PDGFRL: variants seen among roughly 807,000 people sequenced by gnomAD.
PDGFRL encodes the protein platelet derived growth factor receptor like.
In PDGFRL, 46 loss-of-function variants were observed where a neutral mutation model predicts 37.2. The observed-to-expected ratio is 1.24, with a 90% CI of 0.98 to 1.58. The LOEUF (loss-of-function observed/expected upper bound fraction) is 1.58, where lower values mean the gene tolerates loss of function less well. Ranked by LOEUF, PDGFRL falls within the 40% of genes most tolerant of loss-of-function variation. The pLI is 0.00. For missense variants in PDGFRL, 692 were observed against 467.6 expected (o/e 1.48, Z -4.43); for synonymous variants, 251 against 184.3 (o/e 1.36, Z -2.93).
intron 1 of PDGFRL, among the ~76,000 whole-genome samples, chr8:17,586,484 C>A (rs1394858938): frequency 6.6e-6 from 1 of 152,192 alleles, no homozygotes; most frequent in East Asian, 1.9e-4. Context: ...GAGGCAATGG[C>A]ATGAGCCAGA....
chr8:17,584,447 G>A (rs1388054266), intron 1 of PDGFRL, among the ~76,000 whole-genome samples: 1 of 152,066 alleles, frequency 6.6e-6, no homozygotes, highest in African/African-American at 2.4e-5. Context: ...AATGCTGCAG[G>A]GGTCACGGGA....
chr8:17,638,693 G>C (rs7837193), intron 5 of PDGFRL, among the ~76,000 whole-genome samples: 111,624 of 135,052 alleles, frequency 0.83, 47,029 homozygotes, highest in Non-Finnish European at 0.91. Context: ...TTTCTTAGGT[G>C]TAACAGTAAT....
intron 1 of PDGFRL, among the ~76,000 whole-genome samples, chr8:17,580,965 G>GTC (rs1803694236): frequency 6.6e-6 from 1 of 151,944 alleles, no homozygotes; most frequent in African/African-American, 2.4e-5. Flanking sequence ...ATACGTGTGT[G>GTC]TGTGTGTGTC....
At chr8:17,606,754 A>G (rs562053605) in intron 2 of PDGFRL, among the ~76,000 whole-genome samples, 1 of 152,188 alleles carries the variant, frequency 6.6e-6, no homozygotes, top group South Asian at 2.1e-4. Context: ...TGTTCTCAGG[A>G]TAGAATGAGG....
At chr8:17,638,609 G>T (rs1219381095) in intron 5 of PDGFRL, among the ~76,000 whole-genome samples, 1 of 151,044 alleles carries the variant, frequency 6.6e-6, no homozygotes, top group African/African-American at 2.4e-5. Context: ...TTGATGTTCT[G>T]TCTTGATTAC....
At chr8:17,590,888 A>ATTTTTTTTTTTTTTTTTTTTT (rs71729974) in intron 2 of PDGFRL, among the ~76,000 whole-genome samples, 1 of 143,082 alleles carries the variant, frequency 7.0e-6, no homozygotes, top group African/African-American at 2.6e-5. Context: ...ATTATTATTA[A>ATTTTTTTTTTTTTTTTTTTTT]TTTTTTTTTT....
At chr8:17,612,660 C>T (rs1187214512) in intron 2 of PDGFRL, among the ~76,000 whole-genome samples, 2 of 152,170 alleles carry the variant, frequency 1.3e-5, no homozygotes, top group African/African-American at 2.4e-5. Context: ...TGTGAGCCAC[C>T]ACACCTGGCC....
chr8:17,642,724 G>C lies in PDGFRL; in HGVS notation c.1051G>C (p.Asp351His). Residue 351 changes from aspartate to histidine, a missense_variant, in exon 6 of 6, where the codon GAT becomes CAT. Coordinates refer to ENST00000251630, the MANE Select transcript of PDGFRL (RefSeq NM_001372073.1). ...TACAGTGGAAGACTTTGAGACGATT[G>C]ATGCAGGATATTACATTTGCACTGC... ...VITVEDFETI[D>H]AGYYICTAQN... 6.2e-7 allele frequency: 1 copy of C among 1,607,168 alleles called. No homozygotes were observed. The highest frequency in any genetic ancestry group is 8.5e-7 in the Non-Finnish European group (1 of 1,173,562).
Position 17,617,043 on chromosome 8 carries a change from T to C in PDGFRL, c.354-4008T>C, listed in dbSNP as rs1415393748. On this transcript the variant is annotated intron_variant, in intron 2 of 5. Coordinates refer to ENST00000251630, the MANE Select transcript of PDGFRL (RefSeq NM_001372073.1). ...CCAGGAGAGAGCAGCCTGGGCTAAA[T>C]ACAGGAAGCTTCAGTCCTCCACTGA... Among the ~76,000 whole-genome samples the C allele has an allele frequency of 7.7e-4, 117 of 152,302 alleles. 2 individuals carry two copies. The highest frequency in any genetic ancestry group is 2.6e-4 in the Admixed American group (4 of 15,304).
intron 2 of PDGFRL, among the ~76,000 whole-genome samples, chr8:17,596,578 T>G: frequency 6.6e-6 from 1 of 152,382 alleles, no homozygotes; most frequent in Middle Eastern, 3.4e-3. Flanking sequence ...ATCTAAATTA[T>G]ATATTAAAAT....
At chr8:17,583,031 C>T (rs557314020) in intron 1 of PDGFRL, among the ~76,000 whole-genome samples, 2 of 152,128 alleles carry the variant, frequency 1.3e-5, no homozygotes, top group Non-Finnish European at 2.9e-5. Context: ...ATAAGCAGAA[C>T]AGAGAGGTTG....
intron 2 of PDGFRL, chr8:17,596,423 T>C (rs1368842639): frequency 3.2e-6 from 2 of 615,712 alleles, no homozygotes; most frequent in African/African-American, 1.9e-5. Flanking sequence ...CAAAGTCAGA[T>C]TCATGCACTT....
chr8:17,595,909 T>G (rs1804042321), intron 2 of PDGFRL, among the ~76,000 whole-genome samples: 1 of 152,154 alleles, frequency 6.6e-6, no homozygotes, highest in Admixed American at 6.5e-5. Context: ...CAATGGGTAG[T>G]CAACCCAAGG....
chr8:17,581,845 A>C (rs1421929797), intron 1 of PDGFRL, among the ~76,000 whole-genome samples: 1 of 152,126 alleles, frequency 6.6e-6, no homozygotes, highest in Admixed American at 6.5e-5. Flanking sequence ...AGCCCTACGT[A>C]TTCCTCTATA....
At position 17,643,054 on chromosome 8, in the gene PDGFRL, T is replaced by A. The variant is rs1057160606; in HGVS notation, c.*253T>A. On this transcript the variant is annotated 3_prime_UTR_variant, in exon 6 of 6. Coordinates refer to ENST00000251630, the MANE Select transcript of PDGFRL (RefSeq NM_001372073.1). The stretch of plus-strand genomic sequence containing the variant: ...CATACGTGTTCCTAGTTTTTATACA[T>A]GTGTAAACAATTTTATATAATCAAT... 3.4e-5 allele frequency: 13 copies of A among 386,572 alleles called. No homozygotes were observed. The highest frequency in any genetic ancestry group is 1.7e-4 in the Admixed American group (4 of 23,204). 23.9% of individuals were successfully genotyped at this position (386,572 alleles called of 1,614,324 possible).
chr8:17,581,711 G>A (rs2720568), intron 1 of PDGFRL, among the ~76,000 whole-genome samples: 11 of 151,972 alleles, frequency 7.2e-5, no homozygotes, highest in African/African-American at 1.9e-4. Context: ...GCTAGTTATC[G>A]TTGCCCTCTG....
At chr8:17,589,204 C>T (rs1803878630) in intron 1 of PDGFRL, among the ~76,000 whole-genome samples, 1 of 151,948 alleles carries the variant, frequency 6.6e-6, no homozygotes, top group Non-Finnish European at 1.5e-5. Flanking sequence ...GTGCTGAGAC[C>T]CTGTCTCCAT....
At chr8:17,588,742 C>A (rs894089333) in intron 1 of PDGFRL, among the ~76,000 whole-genome samples, 3 of 152,176 alleles carry the variant, frequency 2.0e-5, no homozygotes, top group Non-Finnish European at 4.4e-5. Flanking sequence ...TGTGGAGCTA[C>A]AGATTTCTGT....
At chr8:17,630,963 G>T (rs1010460625) in intron 4 of PDGFRL, among the ~76,000 whole-genome samples, 16 of 152,076 alleles carry the variant, frequency 1.1e-4, no homozygotes, top group African/African-American at 3.6e-4. Flanking sequence ...TGACATCTCT[G>T]TGTCTACCTG....
Sources: gnomAD v4.1 joint callset for allele counts (sites outside exome capture counted in the v4.1 genomes callset) on GRCh38, gnomAD v4.1.1 for gene constraint, MANE v1.5 for transcripts, NCBI Gene and HGNC (gene_info 2026-07-23, HGNC 2026-07-21) for gene names.